The following SLC25A21 variants were observed in gnomAD, a reference collection of about 807,000 sequenced individuals.
SLC25A21 encodes the protein mitochondrial 2-oxodicarboxylate carrier.
Under a neutral mutation model 43.8 loss-of-function variants are expected in SLC25A21, and 47 were observed. The ratio of observed to expected loss-of-function variants is 1.07; its 90% CI spans 0.85 to 1.37. The LOEUF (loss-of-function observed/expected upper bound fraction) is 1.37, where lower values mean the gene tolerates loss of function less well. SLC25A21 is among the 40% of genes most tolerant of loss of function. The probability of loss-of-function intolerance (pLI) is 0.00; values close to 1 mark genes in which losing one functional copy is unlikely to be tolerated. For synonymous variants in SLC25A21, 131 were observed against 121.3 expected (o/e 1.08, Z -0.52); for missense variants, 352 against 350.2 (o/e 1.00, Z -0.04).
intron 1 of SLC25A21, among the ~76,000 whole-genome samples, chr14:36,947,807 A>T (rs187890618): frequency 6.6e-6 from 1 of 152,286 alleles, no homozygotes; most frequent in East Asian, 1.9e-4. Flanking sequence ...AGGTTTTATT[A>T]GGTTAGTAAT....
intron 1 of SLC25A21, among the ~76,000 whole-genome samples, chr14:37,114,550 A>G (rs565488021): frequency 1.8e-4 from 28 of 152,328 alleles, no homozygotes; most frequent in African/African-American, 6.3e-4. Flanking sequence ...TTCTAGTAAA[A>G]CACGCTATTT....
chr14:36,848,128 T>C (rs1279482106), intron 2 of SLC25A21, among the ~76,000 whole-genome samples: 1 of 152,116 alleles, frequency 6.6e-6, no homozygotes, highest in Non-Finnish European at 1.5e-5. Context: ...GGGATAATCA[T>C]AAGGTGCTGC....
chr14:37,120,178 G>A (rs1377573851), intron 1 of SLC25A21, among the ~76,000 whole-genome samples: 1 of 152,058 alleles, frequency 6.6e-6, no homozygotes, highest in East Asian at 1.9e-4. Context: ...TCAGGCTCAG[G>A]AGAAGATTTT....
chr14:36,802,571 A>G (rs1359674897), intron 3 of SLC25A21, among the ~76,000 whole-genome samples: 1 of 152,184 alleles, frequency 6.6e-6, no homozygotes, highest in Non-Finnish European at 1.5e-5. Flanking sequence ...AGGTCCCAAA[A>G]CTTCCAAGTG....
At chr14:37,138,250 G>A (rs1303958612) in intron 1 of SLC25A21, among the ~76,000 whole-genome samples, 7 of 152,030 alleles carry the variant, frequency 4.6e-5, no homozygotes, top group Non-Finnish European at 7.4e-5. Context: ...TAAAAGATAC[G>A]AAGAAAAAGA....
chr14:36,707,453 T>A (rs984654053), intron 7 of SLC25A21, among the ~76,000 whole-genome samples: 25 of 152,210 alleles, frequency 1.6e-4, no homozygotes, highest in African/African-American at 6.0e-4. Context: ...TGACCCCACA[T>A]TTTACGCACA....
intron 1 of SLC25A21, among the ~76,000 whole-genome samples, chr14:37,049,146 T>G (rs1275826606): frequency 1.3e-5 from 2 of 152,226 alleles, no homozygotes; most frequent in Non-Finnish European, 2.9e-5. Flanking sequence ...CCTTGAAATG[T>G]CCTTGAAATG....
intron 1 of SLC25A21, among the ~76,000 whole-genome samples, chr14:37,148,554 G>A (rs1262265575): frequency 6.6e-6 from 1 of 152,158 alleles, no homozygotes; most frequent in African/African-American, 2.4e-5. Flanking sequence ...TAAATCAGAA[G>A]GTATTTTCTT....
At chr14:36,932,524 T>C (rs1235741422) in intron 1 of SLC25A21, among the ~76,000 whole-genome samples, 2 of 152,168 alleles carry the variant, frequency 1.3e-5, no homozygotes, top group Non-Finnish European at 2.9e-5. Flanking sequence ...GTGCCTACTA[T>C]GTGCTGGGCA....
At chr14:36,994,770 G>A (rs1417694471) in intron 1 of SLC25A21, among the ~76,000 whole-genome samples, 1 of 152,050 alleles carries the variant, frequency 6.6e-6, no homozygotes. Context: ...ACAGACTCAC[G>A]AACCTCCTGC....
chr14:36,921,960 C>A (rs1264804484), intron 1 of SLC25A21, among the ~76,000 whole-genome samples: 1 of 151,846 alleles, frequency 6.6e-6, no homozygotes, highest in African/African-American at 2.4e-5. Flanking sequence ...GCCTGGCCAA[C>A]ATGGTGAAAC....
At chr14:36,837,970 C>G (rs1889264574) in intron 2 of SLC25A21, among the ~76,000 whole-genome samples, 1 of 152,216 alleles carries the variant, frequency 6.6e-6, no homozygotes, top group African/African-American at 2.4e-5. Context: ...ACCAAGTCAT[C>G]ACCACAGAGC....
At chr14:37,136,481 T>C (rs1963481487) in intron 1 of SLC25A21, among the ~76,000 whole-genome samples, 1 of 152,220 alleles carries the variant, frequency 6.6e-6, no homozygotes, top group African/African-American at 2.4e-5. Flanking sequence ...AGAGATGTTG[T>C]TATAATTAAG....
chr14:36,871,816 TTTA>T (rs1433962498), intron 2 of SLC25A21, among the ~76,000 whole-genome samples: 5 of 151,522 alleles, frequency 3.3e-5, no homozygotes, highest in African/African-American at 1.2e-4. Context: ...TGGATTTTAT[TTTA>T]TTTTTTTACA....
chr14:36,682,210 A>G (rs1178205255), intron 9 of SLC25A21, among the ~76,000 whole-genome samples: 1 of 150,982 alleles, frequency 6.6e-6, no homozygotes, highest in East Asian at 1.9e-4. Context: ...AAAGAAAAAA[A>G]TTTCACCCTT....
At chr14:36,726,508 T>C (rs186220660) in intron 5 of SLC25A21, among the ~76,000 whole-genome samples, 6 of 152,116 alleles carry the variant, frequency 3.9e-5, no homozygotes, top group African/African-American at 1.4e-4. Flanking sequence ...ATGACTAGGT[T>C]ATTCTGAAAG....
At chr14:37,003,166 C>T (rs904899171) in intron 1 of SLC25A21, among the ~76,000 whole-genome samples, 1 of 152,114 alleles carries the variant, frequency 6.6e-6, no homozygotes, top group South Asian at 2.1e-4. Flanking sequence ...AAATTAGGCA[C>T]AGTAAGAAAT....
intron 1 of SLC25A21, among the ~76,000 whole-genome samples, chr14:37,015,862 C>A (rs147296387): frequency 2.0e-5 from 3 of 151,924 alleles, no homozygotes; most frequent in African/African-American, 7.3e-5. Context: ...CTCTGTTCAT[C>A]TCCTTCGCCC....
At chr14:36,865,359 A>G (rs1365987167) in intron 2 of SLC25A21, among the ~76,000 whole-genome samples, 1 of 152,000 alleles carries the variant, frequency 6.6e-6, no homozygotes, top group East Asian at 1.9e-4. Context: ...AACAACCAAT[A>G]TACTCGCTCC....
Sources: gnomAD v4.1 joint callset for allele counts (sites outside exome capture counted in the v4.1 genomes callset) on GRCh38, gnomAD v4.1.1 for gene constraint, MANE v1.5 for transcripts, NCBI Gene and HGNC (gene_info 2026-07-23, HGNC 2026-07-21) for gene names.